Variants in SPATA6 observed in about 807,000 individuals in gnomAD.
SPATA6 encodes the protein spermatogenesis associated 6.
SPATA6 carries 56 observed loss-of-function variants against 65.3 expected under a neutral mutation model. The observed-to-expected ratio is 0.86, with a 90% CI of 0.69 to 1.07. SPATA6 has a LOEUF of 1.07. Among genes scored for constraint, SPATA6 ranks in the 50% least tolerant of loss-of-function variants. The pLI, the probability that SPATA6 is intolerant of heterozygous loss-of-function variation, is 0.00. For synonymous variants in SPATA6, 199 were observed against 213.2 expected (o/e 0.93, Z 0.58); for missense variants, 590 against 594.8 (o/e 0.99, Z 0.08).
chr1:48,302,287 G>T (rs1230617200), intron 12 of SPATA6, among the ~76,000 whole-genome samples: 2 of 152,078 alleles, frequency 1.3e-5, no homozygotes, highest in Non-Finnish European at 2.9e-5. Context: ...TGGCGAATCT[G>T]GGCTTTCAGC....
chr1:48,264,573 GT>G, the SPATA6 span, among the ~76,000 whole-genome samples: 1 of 151,942 alleles, frequency 6.6e-6, no homozygotes, highest in African/African-American at 2.4e-5. Flanking sequence ...CTGTGTCCAT[GT>G]TTTCTCATTG....
chr1:48,284,816 G>A, the SPATA6 span, among the ~76,000 whole-genome samples: 2 of 152,120 alleles, frequency 1.3e-5, no homozygotes, highest in African/African-American at 4.8e-5. Context: ...TTGTCTCAGA[G>A]GGGCATCCAC....
At chr1:48,417,344 GAAC>G (rs1235336846) in intron 3 of SPATA6, among the ~76,000 whole-genome samples, 3 of 151,958 alleles carry the variant, frequency 2.0e-5, no homozygotes, top group African/African-American at 4.8e-5. Flanking sequence ...GAAATACCTA[GAAC>G]AATACTGAAT....
At chr1:48,375,666 A>G (rs1647806670) in intron 9 of SPATA6, among the ~76,000 whole-genome samples, 1 of 152,164 alleles carries the variant, frequency 6.6e-6, no homozygotes, top group African/African-American at 2.4e-5. Context: ...CAAAGACAAA[A>G]TGCACACAAG....
intron 1 of SPATA6, among the ~76,000 whole-genome samples, chr1:48,454,461 T>C (rs1363690205): frequency 1.3e-5 from 2 of 152,160 alleles, no homozygotes; most frequent in African/African-American, 4.8e-5. Context: ...CTACACCAAA[T>C]TTCTCTTGAT....
chr1:48,334,904 G>C (rs1646019113), intron 11 of SPATA6, among the ~76,000 whole-genome samples: 1 of 152,094 alleles, frequency 6.6e-6, no homozygotes, highest in Admixed American at 6.6e-5. Context: ...TGGCCCCAAA[G>C]CTCCTTGAAC....
At chr1:48,288,756 G>A in the SPATA6 span, among the ~76,000 whole-genome samples, 3 of 152,222 alleles carry the variant, frequency 2.0e-5, no homozygotes, top group African/African-American at 7.2e-5. Flanking sequence ...TGCTAGCACA[G>A]CAGTCTGAGA....
intron 3 of SPATA6, among the ~76,000 whole-genome samples, chr1:48,428,753 G>C (rs958354246): frequency 1.6e-4 from 23 of 144,664 alleles, no homozygotes; most frequent in Admixed American, 1.3e-3. Context: ...CTTAGTTCAC[G>C]GTCAACTGTA....
At chr1:48,279,400 A>T in the SPATA6 span, among the ~76,000 whole-genome samples, 1 of 152,226 alleles carries the variant, frequency 6.6e-6, no homozygotes, top group Non-Finnish European at 1.5e-5. Flanking sequence ...CAGGACAAAG[A>T]GTCAAGATCC....
intron 11 of SPATA6, among the ~76,000 whole-genome samples, chr1:48,346,882 G>A (rs1646380067): frequency 6.6e-6 from 1 of 151,948 alleles, no homozygotes; most frequent in Non-Finnish European, 1.5e-5. Flanking sequence ...TCCTTAAAAT[G>A]GCCATACTGT....
At chr1:48,440,055 C>T (rs1655318304) in intron 3 of SPATA6, among the ~76,000 whole-genome samples, 1 of 152,050 alleles carries the variant, frequency 6.6e-6, no homozygotes, top group Non-Finnish European at 1.5e-5. Context: ...CTCAGCTTAC[C>T]CCCATATCCT....
At chr1:48,295,075 A>G (rs1364566319), downstream of SPATA6, among the ~76,000 whole-genome samples, 1 of 152,236 alleles carries the variant, frequency 6.6e-6, no homozygotes, top group Admixed American at 6.5e-5. Flanking sequence ...ATATGTGATG[A>G]ATAAATTGAT....
At chr1:48,388,045 G>T (rs866737749) in intron 8 of SPATA6, among the ~76,000 whole-genome samples, 8 of 152,118 alleles carry the variant, frequency 5.3e-5, no homozygotes, top group Admixed American at 1.3e-4. Context: ...ACCAGGACCA[G>T]CTAAAATTGC....
At position 48,334,719 on chromosome 1, in the gene SPATA6, G is replaced by A. The variant is rs138218398; in HGVS notation, c.1194+20951C>T. ...GCTGCAAGCATTCCACTTGAAAATCGGCATAAGACAAGGATGCCCTCTCTC... is the reference window on the plus strand; with the variant it reads ...GCTGCAAGCATTCCACTTGAAAATCAGCATAAGACAAGGATGCCCTCTCTC... On this transcript the variant is annotated intron_variant, in intron 11 of 12. Transcript: ENST00000371847. Among the ~76,000 whole-genome samples the A allele has an allele frequency of 5.4e-3, 827 of 152,178 alleles. 7 individuals carry two copies. The highest frequency in any genetic ancestry group is 0.019 in the African/African-American group (772 of 41,530).
chr1:48,312,506 C>G (rs559912355), intron 11 of SPATA6, among the ~76,000 whole-genome samples: 1 of 150,476 alleles, frequency 6.6e-6, no homozygotes, highest in Non-Finnish European at 1.5e-5. Context: ...AGAAGGAAAA[C>G]TAACAAAAAG....
At chr1:48,266,139 G>C in the SPATA6 span, among the ~76,000 whole-genome samples, 1,484 of 152,244 alleles carry the variant, frequency 9.7e-3, 24 homozygotes, top group South Asian at 0.05. Context: ...CAGAGTAAGA[G>C]CAGAGAAAGC....
At chr1:48,441,399 G>A (rs751233395) in intron 3 of SPATA6, among the ~76,000 whole-genome samples, 1 of 152,222 alleles carries the variant, frequency 6.6e-6, no homozygotes, top group African/African-American at 2.4e-5. Context: ...CACCTCCTCA[G>A]TTGTAATTGG....
intron 3 of SPATA6, among the ~76,000 whole-genome samples, chr1:48,446,053 G>A (rs568847723): frequency 1.3e-5 from 2 of 152,160 alleles, no homozygotes; most frequent in Admixed American, 6.5e-5. Context: ...ACTAAAACAG[G>A]GTATTCAAGG....
the SPATA6 span, among the ~76,000 whole-genome samples, chr1:48,264,572 T>C: frequency 6.6e-6 from 1 of 152,118 alleles, no homozygotes; most frequent in African/African-American, 2.4e-5. Context: ...CCTGTGTCCA[T>C]GTTTTCTCAT....
Sources: gnomAD v4.1 joint callset for allele counts (sites outside exome capture counted in the v4.1 genomes callset) on GRCh38, gnomAD v4.1.1 for gene constraint, MANE v1.5 for transcripts, NCBI Gene and HGNC (gene_info 2026-07-23, HGNC 2026-07-21) for gene names.